Variants in IL4I1 observed in about 807,000 individuals in gnomAD.
IL4I1 encodes interleukin 4 induced 1, also known as L-amino-acid oxidase.
A neutral mutation model predicts 29.7 loss-of-function variants in IL4I1; 24 were observed. The observed-to-expected ratio is 0.81, with a 90% CI of 0.59 to 1.14. IL4I1 has a LOEUF of 1.14. IL4I1 is among the 50% of genes most tolerant of loss of function. The pLI is 0.00. For missense variants in IL4I1, 686 were observed against 785.6 expected (o/e 0.87, Z 1.52); for synonymous variants, 371 against 352.5 (o/e 1.05, Z -0.59).
chr19:49,896,919 A>G (rs2075219077), upstream of IL4I1: 1 of 982,358 alleles, frequency 1.0e-6, no homozygotes, highest in Admixed American at 6.2e-5. Flanking sequence ...CTCCCCTTAA[A>G]CTGGCAGAGC....
At chr19:49,922,400 C>G (rs1426549052) in intron 2 of IL4I1, among the ~76,000 whole-genome samples, 1 of 152,092 alleles carries the variant, frequency 6.6e-6, no homozygotes, top group East Asian at 1.9e-4. Flanking sequence ...ATTCTTTAGG[C>G]CTCCTCCTCT....
At chr19:49,914,941 T>A (rs11083989) in intron 2 of IL4I1, among the ~76,000 whole-genome samples, 18,491 of 151,572 alleles carry the variant, frequency 0.12, 1,417 homozygotes, top group East Asian at 0.38. Flanking sequence ...GGTTTCACCA[T>A]GTTAGCCGGG....
chr19:49,890,215 G>A lies in IL4I1; in HGVS notation c.1159C>T (p.Pro387Ser). 6.4e-7 allele frequency: 1 copy of A among 1,550,668 alleles called. No individual in the cohort carries two copies. Residue 387 changes from proline (P) to serine (S), a missense_variant, in exon 8 of 8, where the codon CCG becomes TCG. Transcript: ENST00000391826. Reference sequence around the variant, plus strand: ...AGCAGCAGCGCGCCCTCGCGCGGCGGCGGGTAGAAAATCATGCGCGACGGG... The same window carrying A: ...AGCAGCAGCGCGCCCTCGCGCGGCGACGGGTAGAAAATCATGCGCGACGGG... The part of the protein sequence containing the change: ...DRPSRMIFYP[P>S]PREGALLLAS...
At chr19:49,923,618 C>T (rs1160306562) in intron 2 of IL4I1, among the ~76,000 whole-genome samples, 2 of 152,254 alleles carry the variant, frequency 1.3e-5, no homozygotes, top group African/African-American at 4.8e-5. Flanking sequence ...CACCAGGCCC[C>T]AGAGCAGGAA....
intron 2 of IL4I1, chr19:49,909,558 C>A: frequency 3.1e-6 from 5 of 1,614,178 alleles, no homozygotes; most frequent in Non-Finnish European, 4.2e-6. Context: ...CCAGTTCCCC[C>A]CGAAGCAAGA....
At chr19:49,913,707 G>A (rs7257503) in intron 2 of IL4I1, among the ~76,000 whole-genome samples, 26,983 of 152,114 alleles carry the variant, frequency 0.18, 2,599 homozygotes, top group Non-Finnish European at 0.22. Context: ...ATAATAAACC[G>A]TGACCGTGAC....
intron 2 of IL4I1, among the ~76,000 whole-genome samples, chr19:49,910,610 G>A (rs2075439220): frequency 2.0e-5 from 3 of 152,098 alleles, no homozygotes; most frequent in Admixed American, 1.3e-4. Flanking sequence ...TCCTTCACCT[G>A]TAGGTGTGGT....
At chr19:49,901,716 A>C, upstream of IL4I1, 1 of 1,528,006 alleles carries the variant, frequency 6.5e-7, no homozygotes. Context: ...ATCGTTGGGC[A>C]TGTGCGGAAT....
upstream of IL4I1, among the ~76,000 whole-genome samples, chr19:49,901,180 G>C (rs1378192351): frequency 1.3e-5 from 2 of 152,150 alleles, no homozygotes; most frequent in Non-Finnish European, 2.9e-5. Context: ...TCAGGAGTTC[G>C]AGACCAGCCT....
intron 2 of IL4I1, among the ~76,000 whole-genome samples, chr19:49,914,314 G>T (rs564100578): frequency 1.8e-4 from 27 of 152,290 alleles, no homozygotes; most frequent in Non-Finnish European, 4.0e-4. Flanking sequence ...AAGCAGGGAG[G>T]AACCCAAACT....
At chr19:49,918,839 T>C (rs1019826530) in intron 2 of IL4I1, among the ~76,000 whole-genome samples, 2 of 121,504 alleles carry the variant, frequency 1.6e-5, no homozygotes, top group African/African-American at 6.2e-5. Flanking sequence ...TTTAAAGACA[T>C]AAAAGCTAGG....
At chr19:49,916,597 T>A (rs929863325) in intron 2 of IL4I1, among the ~76,000 whole-genome samples, 27 of 151,730 alleles carry the variant, frequency 1.8e-4, no homozygotes, top group Non-Finnish European at 2.7e-4. Flanking sequence ...CCGTCTGCAC[T>A]AAAAATACAA....
At chr19:49,898,277 T>C (rs1281247746), upstream of IL4I1, among the ~76,000 whole-genome samples, 1 of 151,938 alleles carries the variant, frequency 6.6e-6, no homozygotes, top group Non-Finnish European at 1.5e-5. Context: ...GCTGAGATCG[T>C]GCCACTGCAC....
chr19:49,914,222 G>A (rs1436307633), intron 2 of IL4I1, among the ~76,000 whole-genome samples: 1 of 152,186 alleles, frequency 6.6e-6, no homozygotes, highest in Non-Finnish European at 1.5e-5. Context: ...ACTATTACGA[G>A]CTCTGATCCC....
chr19:49,898,270 G>A (rs1285119056), upstream of IL4I1, among the ~76,000 whole-genome samples: 1 of 152,194 alleles, frequency 6.6e-6, no homozygotes, highest in Non-Finnish European at 1.5e-5. Flanking sequence ...GCAGTGAGCT[G>A]AGATCGTGCC....
At chr19:49,915,164 G>A (rs2075592975) in intron 2 of IL4I1, among the ~76,000 whole-genome samples, 1 of 152,076 alleles carries the variant, frequency 6.6e-6, no homozygotes, top group Admixed American at 6.6e-5. Context: ...GTGTGGGGGG[G>A]TAGACAGAAA....
At chr19:49,894,776 G>A (rs1020706976) in intron 4 of IL4I1, among the ~76,000 whole-genome samples, 2 of 152,046 alleles carry the variant, frequency 1.3e-5, no homozygotes, top group Non-Finnish European at 2.9e-5. Flanking sequence ...CTGGGGCTGG[G>A]GTGCCTGAGG....
intron 2 of IL4I1, chr19:49,907,778 T>C (rs1192508127): frequency 9.3e-5 from 31 of 332,416 alleles, no homozygotes; most frequent in Non-Finnish European, 1.7e-4. Context: ...TCAAGTCATC[T>C]GCCCGCCTTG....
upstream of IL4I1, among the ~76,000 whole-genome samples, chr19:49,897,813 C>T (rs552317200): frequency 4.0e-5 from 6 of 151,638 alleles, no homozygotes; most frequent in South Asian, 1.2e-3. Context: ...GAGGCAGATT[C>T]TCTGCAGCAA....
Sources: allele counts gnomAD v4.1 joint callset (sites outside exome capture counted in the v4.1 genomes callset), GRCh38; gene constraint gnomAD v4.1.1; transcripts MANE v1.5; gene names NCBI Gene and HGNC (gene_info 2026-07-23, HGNC 2026-07-21).